DENND2B: variants seen among roughly 807,000 people sequenced by gnomAD.
The protein encoded by DENND2B is DENN domain-containing protein 2B.
A neutral mutation model predicts 116.0 loss-of-function variants in DENND2B; 32 were observed. That is an observed-to-expected ratio of 0.28 (90% CI 0.21 to 0.37). The LOEUF (loss-of-function observed/expected upper bound fraction) is 0.37. DENND2B is among the 10% of genes least tolerant of loss of function. The pLI is 1.00. For missense variants in DENND2B, 1,276 were observed against 1,477.7 expected (o/e 0.86, Z 2.24); for synonymous variants, 588 against 583.9 (o/e 1.01, Z -0.10).
At chr11:8,815,539 T>A (rs1345726570), upstream of DENND2B, among the ~76,000 whole-genome samples, 1 of 152,146 alleles carries the variant, frequency 6.6e-6, no homozygotes, top group Non-Finnish European at 1.5e-5. Flanking sequence ...TCTCCCTCCC[T>A]CTATGGCTCA....
chr11:8,699,099 C>T, intron 15 of DENND2B, 114 bp downstream of exon 15: 1 of 1,524,716 alleles, frequency 6.6e-7, no homozygotes, highest in Non-Finnish European at 8.8e-7. Flanking sequence ...GGGGATAGAC[C>T]TCCCAGGGAG....
intron 1 of DENND2B, among the ~76,000 whole-genome samples, chr11:8,890,980 G>A (rs2064024735): frequency 1.3e-5 from 2 of 152,160 alleles, no homozygotes. Flanking sequence ...AATGTTAAGG[G>A]CAGCCAGAAA....
At chr11:8,894,393 C>T (rs1483361079) in intron 1 of DENND2B, among the ~76,000 whole-genome samples, 2 of 151,988 alleles carry the variant, frequency 1.3e-5, no homozygotes. Context: ...CGAAAATTGA[C>T]AAATGGGATC....
chr11:8,755,168 C>T (rs753960438), intron 1 of DENND2B, among the ~76,000 whole-genome samples: 3 of 152,210 alleles, frequency 2.0e-5, no homozygotes, highest in South Asian at 2.1e-4. Flanking sequence ...ACCACCATCA[C>T]GGAAGCTGAA....
upstream of DENND2B, among the ~76,000 whole-genome samples, chr11:8,814,633 C>G (rs2134519801): frequency 6.6e-6 from 1 of 152,330 alleles, no homozygotes; most frequent in Non-Finnish European, 1.5e-5. Context: ...ACTTATCCTT[C>G]AGAGCACTCA....
At chr11:8,776,275 A>T (rs1236265016) in intron 1 of DENND2B, 1 of 455,044 alleles carries the variant, frequency 2.2e-6, no homozygotes, top group African/African-American at 2.0e-5. Context: ...AATCACTGGC[A>T]GCCTGGAGTG....
Position 8,730,746 on chromosome 11 carries a change from T to C in DENND2B, c.544A>G (p.Ser182Gly). 6.2e-7 allele frequency: 1 copy of C among 1,612,568 alleles called. No homozygotes were observed. The highest frequency in any genetic ancestry group is 8.5e-7 in the Non-Finnish European group (1 of 1,179,946). Residue 182 changes from serine to glycine, a missense_variant, in exon 3 of 20, where the codon AGC becomes GGC. Ser to Gly is a moderately conservative substitution (Grantham distance 56). This residue lies in a region of DENND2B where 856 missense variants were observed against 846.6 expected (regional missense o/e 1.01). Transcript: ENST00000313726. This position sits in a 1 kb window ranked among gnomAD's most constrained non-coding sequence, Gnocchi z 4.1. ...CCCTCCCGCTTCTCTCCACACATGCTCATCCTGGGCGACGCCTCTCGGCGA... is the reference window on the plus strand; with the variant it reads ...CCCTCCCGCTTCTCTCCACACATGCCCATCCTGGGCGACGCCTCTCGGCGA... Reference protein sequence around the residue: ...EGRREASPRMSMCGEKREGSG... With the variant: ...EGRREASPRMGMCGEKREGSG...
chr11:8,755,038 G>T (rs535612189), intron 1 of DENND2B, among the ~76,000 whole-genome samples: 1 of 152,316 alleles, frequency 6.6e-6, no homozygotes, highest in Non-Finnish European at 1.5e-5. Flanking sequence ...CAATATAGAC[G>T]TTAAAACTTA....
In DENND2B at chr11:8,730,360, C is replaced by CACG. The variant is rs1440191667; in HGVS notation, c.927_929dup (p.Val310dup). ...TTCCAGTCTTCCTTTTCCCCCGGTCCACGCTGTAGCAGCTGCTGGGGAGCT... is the reference window on the plus strand; with the variant it reads ...TTCCAGTCTTCCTTTTCCCCCGGTCCACGACGCTGTAGCAGCTGCTGGGGAGCT... On this transcript the variant is annotated inframe_insertion, in exon 3 of 20. Transcript: ENST00000313726. The surrounding 1 kb of genome is among the most constrained non-coding windows in gnomAD (Gnocchi z 4.1). 6.2e-7 allele frequency: 1 copy of CACG among 1,602,724 alleles called. No homozygotes were observed. The highest frequency in any genetic ancestry group is 1.3e-5 in the African/African-American group (1 of 74,994).
chr11:8,768,160 C>T (rs568383536), intron 1 of DENND2B, among the ~76,000 whole-genome samples: 4 of 152,044 alleles, frequency 2.6e-5, no homozygotes, highest in Non-Finnish European at 5.9e-5. Context: ...AGTGGGCTCC[C>T]TCAACCCAGC....
At chr11:8,738,280 GTTTC>G (rs2049475622) in intron 2 of DENND2B, among the ~76,000 whole-genome samples, 1 of 152,174 alleles carries the variant, frequency 6.6e-6, no homozygotes, top group African/African-American at 2.4e-5. Context: ...ATCACTCCCT[GTTTC>G]TTGAGCGTCT....
Position 8,696,517 on chromosome 11 carries a change from T to C in DENND2B, c.3202A>G (p.Ser1068Gly). ...EAFRKSVASK[S>G]IRRFLEVFME... ...AAAACCTCAAGAAAGCGGCGGATGCTTTTGGAGGCCACAGATTTGCGGAAG... is the reference window on the plus strand; with the variant it reads ...AAAACCTCAAGAAAGCGGCGGATGCCTTTGGAGGCCACAGATTTGCGGAAG... The change falls in exon 18 of 20, where the codon AGC (serine) becomes GGC (glycine). Residue 1068 changes from serine to glycine, a missense_variant. Transcript: ENST00000313726. The C allele has an allele frequency of 2.5e-6, 4 of 1,614,198 alleles. No homozygotes were observed. Among genetic ancestry groups the C allele is most frequent in the Non-Finnish European group, 3.4e-6 (4 of 1,180,030 alleles).
intron 2 of DENND2B, among the ~76,000 whole-genome samples, chr11:8,862,697 T>C (rs562672137): frequency 6.6e-6 from 1 of 152,218 alleles, no homozygotes; most frequent in African/African-American, 2.4e-5. Flanking sequence ...TTCTTCCCTG[T>C]CCTACCCACC....
chr11:8,866,650 G>A (rs543127832), intron 2 of DENND2B, among the ~76,000 whole-genome samples: 2 of 152,282 alleles, frequency 1.3e-5, no homozygotes, highest in Non-Finnish European at 2.9e-5. Flanking sequence ...ACCTCTATCT[G>A]GCCCTAAGGG....
At chr11:8,866,118 C>G (rs550854802) in intron 2 of DENND2B, among the ~76,000 whole-genome samples, 1 of 152,082 alleles carries the variant, frequency 6.6e-6, no homozygotes, top group African/African-American at 2.4e-5. Flanking sequence ...CGCCACCACG[C>G]CCAGCTAATT....
At chr11:8,726,999 T>G (rs113134039) in intron 3 of DENND2B, among the ~76,000 whole-genome samples, 5 of 152,214 alleles carry the variant, frequency 3.3e-5, no homozygotes, top group African/African-American at 1.2e-4. Flanking sequence ...TCCTCTCTAC[T>G]GTATAATTTC....
At chr11:8,879,292 G>A (rs139723374) in intron 2 of DENND2B, among the ~76,000 whole-genome samples, 61 of 152,280 alleles carry the variant, frequency 4.0e-4, no homozygotes, top group Admixed American at 7.8e-4. Flanking sequence ...AGACTGTAGC[G>A]GACCGGATCC....
At chr11:8,888,458 A>G (rs2063986801) in intron 1 of DENND2B, among the ~76,000 whole-genome samples, 1 of 152,252 alleles carries the variant, frequency 6.6e-6, no homozygotes, top group Non-Finnish European at 1.5e-5. Flanking sequence ...TGCAAGACCT[A>G]AAACAATAAA....
rs1162407687 is a variant in DENND2B at position 8,702,383 on chromosome 11, G to A, written c.2720+189C>T. 6.6e-6 allele frequency among the ~76,000 whole-genome samples: 1 copy of A among 152,052 alleles called. No homozygotes were observed. The highest frequency in any genetic ancestry group is 1.9e-4 in the East Asian group (1 of 5,182). ...CAGGGTTCTCAATCCTGCCATCTGT[G>A]TGCTCCCAAACCCTGCTCCCTCACC... On this transcript the variant is annotated intron_variant, in intron 14 of 19. Coordinates refer to ENST00000313726, the MANE Select transcript of DENND2B (RefSeq NM_213618.2). This position sits in a 1 kb window ranked among gnomAD's most constrained non-coding sequence, Gnocchi z 4.6.
Sources: allele counts gnomAD v4.1 joint callset (sites outside exome capture counted in the v4.1 genomes callset), GRCh38; gene constraint gnomAD v4.1.1; regional missense constraint gnomAD v4.1.1; non-coding constraint Gnocchi (gnomAD v3.1); transcripts MANE v1.5; gene names NCBI Gene and HGNC (gene_info 2026-07-23, HGNC 2026-07-21).